Variants in DSC2 observed in about 807,000 individuals in gnomAD.
DSC2 encodes the protein desmocollin-2.
DSC2 carries 51 observed loss-of-function variants against 87.6 expected under a neutral mutation model. The ratio of observed to expected loss-of-function variants is 0.58; its 90% confidence interval spans 0.46 to 0.74. The LOEUF is 0.74. Ranked by LOEUF, DSC2 falls within the 30% of genes least tolerant of loss-of-function variation. The probability of loss-of-function intolerance (pLI) is 0.00; values close to 1 mark genes in which losing one functional copy is unlikely to be tolerated. For missense variants in DSC2, 1,066 were observed against 1,089.5 expected (o/e 0.98, Z 0.30); for synonymous variants, 383 against 393.2 (o/e 0.97, Z 0.31).
At chr18:31,097,704 C>A (rs948985612) in intron 1 of DSC2, among the ~76,000 whole-genome samples, 6 of 151,786 alleles carry the variant, frequency 4.0e-5, no homozygotes, top group African/African-American at 1.5e-4. Flanking sequence ...ATTTGACCCA[C>A]AGGAATTGGA....
In DSC2 at chr18:31,082,425, T is replaced by A; in HGVS notation, c.1078-2A>T. The stretch of plus-strand genomic sequence containing the variant: ...ATTTTCTTCCACTGATGTCACATAC[T>A]AAAATAATAAAAGCAAACAAAAAAT... On this transcript the variant is annotated splice_acceptor_variant, in intron 8 of 15. Transcript: ENST00000280904. LOFTEE classifies it high-confidence loss of function. 1.2e-6 allele frequency: 2 copies of A among 1,612,478 alleles called. No individual in the cohort carries two copies. The highest frequency in any genetic ancestry group is 2.2e-5 in the South Asian group (2 of 91,058).
chr18:31,090,817 C>G (rs1200331971), intron 4 of DSC2, among the ~76,000 whole-genome samples: 1 of 152,090 alleles, frequency 6.6e-6, no homozygotes, highest in African/African-American at 2.4e-5. Flanking sequence ...TGTCTGAGTG[C>G]CACAGTTTTA....
rs535636120 is a variant in DSC2 at position 31,101,527 on chromosome 18, C to A, written c.69+376G>T. On this transcript the variant is annotated intron_variant, in intron 1 of 15. Transcript: ENST00000280904. ...AGGCCAGCTGGACGGCCCCGGCGCA[C>A]TCCCGCCCCGGCGCACTCCCGCCCC... 7.6e-3 allele frequency: 1,660 copies of A among 218,932 alleles called. 38 individuals carry two copies. Among genetic ancestry groups the A allele is most frequent in the African/African-American group, 0.036 (1,425 of 39,066 alleles). The allele number at this position is 218,932 out of a possible 1,614,324, so 13.6% of individuals were successfully genotyped here.
intron 10 of DSC2, 29 bp downstream of exon 10, chr18:31,080,066 AT>A (rs750050088): frequency 5.0e-6 from 8 of 1,613,076 alleles, no homozygotes; most frequent in Admixed American, 1.7e-5. Flanking sequence ...TAAGCTATAT[AT>A]TTTAAAACTA....
rs762627642 is a variant in DSC2, at chr18:31,068,940, T to A, written c.2462A>T (p.Tyr821Phe). The change falls in exon 15 of 16, where the codon TAC becomes TTC. Residue 821 changes from tyrosine to phenylalanine, a missense_variant. Transcript: ENST00000280904. Reference protein sequence around the residue: ...GGHTEVDNCRYTYSEWHSFTQ... With the variant: ...GGHTEVDNCRFTYSEWHSFTQ... The stretch of plus-strand genomic sequence containing the variant: ...AAAACTGTGCCACTCCGAGTAAGTG[T>A]ATCTGCAGTTGTCCACCTCCGTGTG... 1 of 1,614,004 alleles carries A rather than the reference T, an allele frequency of 6.2e-7. No homozygotes were observed. Among genetic ancestry groups the A allele is most frequent in the South Asian group, 1.1e-5 (1 of 91,060 alleles).
At chr18:31,101,008 C>T (rs1490523115) in intron 1 of DSC2, among the ~76,000 whole-genome samples, 1 of 151,854 alleles carries the variant, frequency 6.6e-6, no homozygotes, top group Non-Finnish European at 1.5e-5. Flanking sequence ...CTTAGGCTCC[C>T]AGCTCTGGGA....
chr18:31,069,240 T>A (rs1219533318), intron 14 of DSC2, 89 bp from the exon 15 acceptor site: 1 of 1,516,890 alleles, frequency 6.6e-7, no homozygotes, highest in African/African-American at 1.4e-5. Context: ...AATGCCTTTT[T>A]TTGTGTGTAT....
intron 1 of DSC2, among the ~76,000 whole-genome samples, chr18:31,097,456 T>C (rs1023475918): frequency 6.6e-6 from 1 of 151,742 alleles, no homozygotes; most frequent in African/African-American, 2.4e-5. Flanking sequence ...ACAACGTATC[T>C]ATATCGATTC....
chr18:31,085,685 T>G (rs921198101), intron 7 of DSC2, among the ~76,000 whole-genome samples: 7 of 151,848 alleles, frequency 4.6e-5, no homozygotes, highest in Admixed American at 6.6e-5. Context: ...CCATGAGGGA[T>G]AGAGGAAGGA....
At position 31,081,608 on chromosome 18, in the gene DSC2, C is replaced by T. The variant is rs756135594; in HGVS notation, c.1263+630G>A. Among the ~76,000 whole-genome samples, 41 of 152,010 alleles carry T rather than the reference C, an allele frequency of 2.7e-4. 1 individual carries two copies. Among genetic ancestry groups the T allele is most frequent in the African/African-American group, 8.5e-4 (35 of 41,386 alleles). On this transcript the variant is annotated intron_variant, in intron 9 of 15. Transcript: ENST00000280904. ...CTTGTGAATATATACAAAAAGAAAA[C>T]GGCATAGACCCACTGTAAAACCATG...
intron 1 of DSC2, among the ~76,000 whole-genome samples, chr18:31,097,233 A>G (rs1379376693): frequency 2.0e-5 from 3 of 151,640 alleles, no homozygotes; most frequent in Non-Finnish European, 4.4e-5. Context: ...GCTTGCAGTG[A>G]GCAGAGATCA....
At position 31,082,915 on chromosome 18, in the gene DSC2, C is replaced by A. The variant is rs727504868; in HGVS notation, c.1077+11G>T. 1.9e-6 allele frequency: 3 copies of A among 1,612,406 alleles called. No homozygotes were observed. The highest frequency in any genetic ancestry group is 1.7e-5 in the Admixed American group (1 of 59,978). ...CTATACATTTTTCTTTAATTAATAT[C>A]ATACACTTACAGAAGTACGAGTAAA... On this transcript the variant is annotated intron_variant, in intron 8 of 15. Transcript: ENST00000280904.
chr18:31,096,241 GA>G (rs1987756809), intron 1 of DSC2, among the ~76,000 whole-genome samples: 1 of 152,134 alleles, frequency 6.6e-6, no homozygotes, highest in South Asian at 2.1e-4. Context: ...AAAAATCAGG[GA>G]TAACATTTTT....
chr18:31,071,744 A>G lies in DSC2; in HGVS notation c.1986T>C (p.Thr662=). ...VRDRLGMSSV[T]SLDVTLCDCI... ...AGTCACACAGTGTAACATCCAATGA[A>G]GTGACACTAGACATGCCAAGTCTAT... The change falls in exon 13 of 16, where the codon ACT becomes ACC. Residue 662 remains threonine (T), a synonymous_variant. Transcript: ENST00000280904. 1 of 1,613,912 alleles carries G rather than the reference A, an allele frequency of 6.2e-7. No homozygotes were observed. Among genetic ancestry groups the G allele is most frequent in the Non-Finnish European group, 8.5e-7 (1 of 1,179,908 alleles).
At chr18:31,082,210 T>G in intron 9 of DSC2, 28 bp downstream of exon 9, 1 of 1,593,502 alleles carries the variant, frequency 6.3e-7, no homozygotes, top group Non-Finnish European at 8.6e-7. Context: ...TATTATAAAC[T>G]ACAAATAATG....
intron 13 of DSC2, 78 bp downstream of exon 13, chr18:31,071,527 T>C: frequency 1.5e-6 from 2 of 1,341,360 alleles, no homozygotes; most frequent in Non-Finnish European, 2.1e-6. Flanking sequence ...GCCTGGGCTC[T>C]GTCTCAAAAA....
rs1366894587 is a variant in DSC2 at position 31,082,922 on chromosome 18, T to A, written c.1077+4A>T. On this transcript the variant is annotated splice_donor_region_variant and intron_variant, in intron 8 of 15. Coordinates refer to ENST00000280904, the MANE Select transcript of DSC2 (RefSeq NM_024422.6). ...TTTTTCTTTAATTAATATCATACAC[T>A]TACAGAAGTACGAGTAAATGTTGGC... 1.2e-6 allele frequency: 2 copies of A among 1,612,910 alleles called. No individual in the cohort carries two copies. Among genetic ancestry groups the A allele is most frequent in the Non-Finnish European group, 1.7e-6 (2 of 1,179,750 alleles).
intron 2 of DSC2, 130 bp from the exon 3 acceptor site, chr18:31,092,430 G>A (rs1987634106): frequency 2.7e-6 from 2 of 753,374 alleles, no homozygotes; most frequent in African/African-American, 3.5e-5. Context: ...TTTTTGAAAG[G>A]ACACATAAAA....
chr18:31,093,151 T>C (rs545935746), intron 2 of DSC2, among the ~76,000 whole-genome samples: 13 of 152,342 alleles, frequency 8.5e-5, no homozygotes, highest in African/African-American at 2.9e-4. Flanking sequence ...TGTTTTTATT[T>C]TAAGTTTCAG....
Sources: gnomAD v4.1 joint callset for allele counts (sites outside exome capture counted in the v4.1 genomes callset) on GRCh38, gnomAD v4.1.1 for gene constraint, MANE v1.5 for transcripts, NCBI Gene and HGNC (gene_info 2026-07-23, HGNC 2026-07-21) for gene names.